Variants in CAMTA1 observed in about 807,000 individuals in gnomAD.
CAMTA1 encodes the protein calmodulin binding transcription activator 1, also known as calmodulin-binding transcription activator 1.
CAMTA1 carries 27 observed loss-of-function variants against 170.9 expected under a neutral mutation model. The ratio of observed to expected loss-of-function variants is 0.16; its 90% CI spans 0.12 to 0.22. The LOEUF (loss-of-function observed/expected upper bound fraction) is 0.22. Among genes scored for constraint, CAMTA1 ranks in the 10% least tolerant of loss-of-function variants. The pLI is 1.00. For synonymous variants in CAMTA1, 833 were observed against 891.5 expected (o/e 0.93, Z 1.17); for missense variants, 1,619 against 2,217.2 (o/e 0.73, Z 5.42).
chr1:6,802,284 T>C (rs570651602), intron 1 of CAMTA1, among the ~76,000 whole-genome samples: 1 of 152,316 alleles, frequency 6.6e-6, no homozygotes, highest in South Asian at 2.1e-4. Context: ...CTAGTTCCAG[T>C]ACTCATCATC....
intron 6 of CAMTA1, among the ~76,000 whole-genome samples, chr1:7,522,019 T>C (rs2094372246): frequency 1.3e-5 from 2 of 152,240 alleles, no homozygotes; most frequent in Admixed American, 6.5e-5. Flanking sequence ...CTGGGATAAA[T>C]GCCCAAGAGT....
At chr1:7,709,091 C>T (rs1577081763) in intron 11 of CAMTA1, among the ~76,000 whole-genome samples, 1 of 152,272 alleles carries the variant, frequency 6.6e-6, no homozygotes, top group African/African-American at 2.4e-5. Flanking sequence ...GCTGGTGTGC[C>T]TACCGTCACC....
chr1:6,793,423 G>A (rs963813573), intron 1 of CAMTA1, among the ~76,000 whole-genome samples: 1 of 152,102 alleles, frequency 6.6e-6, no homozygotes, highest in Admixed American at 6.5e-5. Flanking sequence ...TGGAATAAAT[G>A]TTGACAGTAG....
At chr1:7,039,164 TATG>T (rs1232980554) in intron 3 of CAMTA1, among the ~76,000 whole-genome samples, 1 of 152,272 alleles carries the variant, frequency 6.6e-6, no homozygotes, top group Non-Finnish European at 1.5e-5. Flanking sequence ...ACTTTTACTT[TATG>T]CTTTATATAC....
chr1:7,718,541 T>A (rs2096627922), intron 11 of CAMTA1, among the ~76,000 whole-genome samples: 1 of 150,982 alleles, frequency 6.6e-6, no homozygotes, highest in Admixed American at 6.6e-5. Flanking sequence ...CATCTCCAGG[T>A]CTCATTACAG....
intron 6 of CAMTA1, among the ~76,000 whole-genome samples, chr1:7,583,361 G>A (rs1342328740): frequency 3.9e-5 from 6 of 152,156 alleles, no homozygotes; most frequent in South Asian, 4.1e-4. Flanking sequence ...TGAGGATGCC[G>A]GACACACTGT....
At chr1:7,192,643 C>G (rs1654755935) in intron 4 of CAMTA1, among the ~76,000 whole-genome samples, 2 of 152,220 alleles carry the variant, frequency 1.3e-5, no homozygotes, top group Non-Finnish European at 2.9e-5. Flanking sequence ...TCAGGCCCAG[C>G]CCCTGAGTGC....
intron 1 of CAMTA1, among the ~76,000 whole-genome samples, chr1:6,790,385 T>A (rs1012956520): frequency 1.6e-4 from 24 of 151,346 alleles, no homozygotes; most frequent in African/African-American, 4.8e-4. Context: ...AGTGTGTGTG[T>A]GTGTGTGTGT....
chr1:7,476,591 T>C (rs1482280858), intron 6 of CAMTA1, among the ~76,000 whole-genome samples: 5 of 152,104 alleles, frequency 3.3e-5, no homozygotes, highest in Non-Finnish European at 7.4e-5. Context: ...CACAGGGCTG[T>C]CTGGGAAGAG....
Position 7,414,251 on chromosome 1 carries a change from A to T in CAMTA1, c.439-53579A>T, listed in dbSNP as rs148247495. 4.6e-3 allele frequency among the ~76,000 whole-genome samples: 705 copies of T among 152,344 alleles called. 1 individual carries two copies. The highest frequency in any genetic ancestry group is 7.7e-3 in the Non-Finnish European group (525 of 68,042). ...GGTTGTATCTCTGCCAGGCTTTGGT[A>T]TCAGGATGATGCTGGCCTCATAAAA... On this transcript the variant is annotated intron_variant, in intron 5 of 22. Transcript: ENST00000303635.
chr1:6,903,184 G>A (rs1377115704), intron 3 of CAMTA1, among the ~76,000 whole-genome samples: 1 of 152,180 alleles, frequency 6.6e-6, no homozygotes, highest in African/African-American at 2.4e-5. Flanking sequence ...AATGCATTTA[G>A]ATAAAATCCA....
intron 4 of CAMTA1, among the ~76,000 whole-genome samples, chr1:7,203,355 A>T (rs773927046): frequency 6.6e-6 from 1 of 152,200 alleles, no homozygotes; most frequent in Non-Finnish European, 1.5e-5. Flanking sequence ...CACAGGTTTC[A>T]TAAAGTGAAT....
chr1:7,485,983 C>T (rs1311840326), intron 6 of CAMTA1, among the ~76,000 whole-genome samples: 1 of 152,224 alleles, frequency 6.6e-6, no homozygotes, highest in Non-Finnish European at 1.5e-5. Flanking sequence ...AACATTAGCC[C>T]AAGTTGAGCT....
rs891200381 is a variant in CAMTA1, at chr1:7,682,928, T to C, written c.2914+5195T>C. ...GGCTCACGCCTGTGATCCCAGCACT[T>C]TGGGAGGCCGAGGCAGGCGGATCAC... On this transcript the variant is annotated intron_variant, in intron 11 of 22. Coordinates refer to ENST00000303635, the MANE Select transcript of CAMTA1 (RefSeq NM_015215.4). This position sits in a 1 kb window ranked among gnomAD's most constrained non-coding sequence, Gnocchi z 5.0. Among the ~76,000 whole-genome samples the C allele has an allele frequency of 1.4e-4, 21 of 152,172 alleles. No individual in the cohort carries two copies. Among genetic ancestry groups the C allele is most frequent in the Admixed American group, 1.0e-3 (16 of 15,282 alleles).
Position 7,145,574 on chromosome 1 carries a change from T to G in CAMTA1, c.302+54203T>G, listed in dbSNP as rs78675887. The stretch of plus-strand genomic sequence containing the variant: ...CTGGAGCTGGGCCCAAGTAAAGCCC[T>G]TCCTAGCCTTCCCTCGTCTCTGTCT... On this transcript the variant is annotated intron_variant, in intron 4 of 22. Coordinates refer to ENST00000303635, the MANE Select transcript of CAMTA1 (RefSeq NM_015215.4). Among the ~76,000 whole-genome samples the G allele has an allele frequency of 2.0e-4, 31 of 152,242 alleles. 1 individual carries two copies. The East Asian group carries it at 6.0e-3, about 29-fold the overall frequency.
intron 3 of CAMTA1, among the ~76,000 whole-genome samples, chr1:6,998,047 C>A (rs1028557329): frequency 6.6e-6 from 1 of 151,910 alleles, no homozygotes; most frequent in Non-Finnish European, 1.5e-5. Context: ...CTTAACCTCA[C>A]TAAATTATTC....
intron 5 of CAMTA1, among the ~76,000 whole-genome samples, chr1:7,373,677 A>G (rs997606596): frequency 1.8e-4 from 27 of 152,206 alleles, no homozygotes; most frequent in African/African-American, 5.5e-4. Context: ...TTGGAGAGCA[A>G]TATTAGTCTT....
At chr1:7,175,994 G>A (rs1650733037) in intron 4 of CAMTA1, among the ~76,000 whole-genome samples, 1 of 152,186 alleles carries the variant, frequency 6.6e-6, no homozygotes, top group South Asian at 2.1e-4. Context: ...CAGCAAAGCA[G>A]CTCCCCCCAG....
At position 6,833,262 on chromosome 1, in the gene CAMTA1, A is replaced by G. The variant is rs1476109454; in HGVS notation, c.234+8052A>G. On this transcript the variant is annotated intron_variant, in intron 3 of 22. Transcript: ENST00000303635. ...CTCAGTTTCAATCTAAACTAGTTTT[A>G]TTATACTATTACTTCAGCATGTGGC... 2.0e-5 allele frequency among the ~76,000 whole-genome samples: 3 copies of G among 152,236 alleles called. No individual in the cohort carries two copies. The East Asian group carries it at 5.8e-4, about 29-fold the overall frequency.
Sources: allele counts gnomAD v4.1 joint callset (sites outside exome capture counted in the v4.1 genomes callset), GRCh38; gene constraint gnomAD v4.1.1; non-coding constraint Gnocchi (gnomAD v3.1); transcripts MANE v1.5; gene names NCBI Gene and HGNC (gene_info 2026-07-23, HGNC 2026-07-21).